Variants in DDX6 observed in about 807,000 individuals in gnomAD.
The protein encoded by DDX6 is probable ATP-dependent RNA helicase DDX6.
DDX6 carries 7 observed loss-of-function variants against 60.6 expected under a neutral mutation model. The observed-to-expected ratio is 0.12, with a 90% CI of 0.07 to 0.22. The LOEUF (loss-of-function observed/expected upper bound fraction) is 0.22. Among genes scored for constraint, DDX6 ranks in the 10% least tolerant of loss-of-function variants. DDX6 has a pLI of 1.00. For missense variants in DDX6, 270 were observed against 589.9 expected, an observed-to-expected ratio of 0.46 and a Z score of 5.62; for synonymous variants, 207 against 201.0, an observed-to-expected ratio of 1.03 and a Z score of -0.25.
intron 2 of DDX6, among the ~76,000 whole-genome samples, chr11:118,783,573 C>G (rs547073912): frequency 6.6e-6 from 1 of 151,202 alleles, no homozygotes; most frequent in East Asian, 2.0e-4. Context: ...GAGGCCGAGG[C>G]AGGCAGATCA....
At chr11:118,782,961 C>A (rs1354817813) in intron 2 of DDX6, among the ~76,000 whole-genome samples, 1 of 152,162 alleles carries the variant, frequency 6.6e-6, no homozygotes, top group South Asian at 2.1e-4. Context: ...CCTGTATCAT[C>A]GAAGTTTCTG....
Position 118,749,358 on chromosome 11 carries a change from G to GGA in DDX6, c.*2746_*2747insTC, listed in dbSNP as rs782091845. ...TTATTATGAGGGCCCAAAAAAGAAAGAAAAAAAAAAAAAAAAAAAAAAAGA... is the reference window on the plus strand; with the variant it reads ...TTATTATGAGGGCCCAAAAAAGAAAGGAAAAAAAAAAAAAAAAAAAAAAAAGA... On this transcript the variant is annotated 3_prime_UTR_variant, in exon 14 of 14. Transcript: ENST00000534980. 48 of 91,794 alleles carry GGA rather than the reference G, an allele frequency of 5.2e-4. No homozygotes were observed. Among genetic ancestry groups the GGA allele is most frequent in the East Asian group, 1.1e-3 (3 of 2,816 alleles). The allele number at this position is 91,794 out of a possible 1,614,324, so 5.7% of individuals were successfully genotyped here.
intron 8 of DDX6, among the ~76,000 whole-genome samples, chr11:118,759,713 A>G (rs538169355): frequency 6.6e-6 from 1 of 152,364 alleles, no homozygotes; most frequent in African/African-American, 2.4e-5. Context: ...GTGAAAGATG[A>G]GGAATTTAAT....
intron 4 of DDX6, among the ~76,000 whole-genome samples, chr11:118,778,352 A>G (rs1025389953): frequency 9.2e-5 from 14 of 152,340 alleles, no homozygotes; most frequent in Middle Eastern, 3.4e-3. Flanking sequence ...CAAGCTCAGC[A>G]CTACTGACAT....
At position 118,784,340 on chromosome 11, in the gene DDX6, T is replaced by C. The variant is rs114534103; in HGVS notation, c.200+1712A>G. On this transcript the variant is annotated intron_variant, in intron 2 of 13. Coordinates refer to ENST00000534980, the MANE Select transcript of DDX6 (RefSeq NM_004397.6). ...CTATATGACAGTCTGGTAGCTTGTA[T>C]AAGCTATTTTTCTGTAGGAAGTGAA... 4.3e-3 allele frequency among the ~76,000 whole-genome samples: 660 copies of C among 152,254 alleles called. 6 individuals are homozygous for C. The highest frequency in any genetic ancestry group is 0.015 in the African/African-American group (619 of 41,540).
intron 5 of DDX6, 123 bp downstream of exon 5, chr11:118,768,094 AAACCTG>A (rs1246222314): frequency 1.1e-6 from 1 of 948,172 alleles, no homozygotes; most frequent in Non-Finnish European, 1.5e-6. Context: ...AAAAAAGAAA[AAACCTG>A]AAAAGAAAGA....
intron 5 of DDX6, among the ~76,000 whole-genome samples, chr11:118,766,630 T>G (rs577075988): frequency 1.3e-5 from 2 of 152,304 alleles, no homozygotes; most frequent in South Asian, 4.2e-4. Context: ...TCTTGCTCTG[T>G]TGTCCAGGCT....
At chr11:118,788,195 T>A (rs1265554339) in intron 1 of DDX6, 1 of 151,776 alleles carries the variant, frequency 6.6e-6, no homozygotes, top group Non-Finnish European at 1.5e-5. Context: ...CTCAGCTACT[T>A]AGGAGGCTGA....
At chr11:118,756,762 G>A (rs1186833823) in intron 10 of DDX6, among the ~76,000 whole-genome samples, 1 of 152,178 alleles carries the variant, frequency 6.6e-6, no homozygotes, top group African/African-American at 2.4e-5. Context: ...GTAGCAACAG[G>A]TGCCTAACTG....
chr11:118,780,465 C>T (rs536149369), intron 3 of DDX6, among the ~76,000 whole-genome samples: 16 of 152,196 alleles, frequency 1.1e-4, no homozygotes, highest in South Asian at 8.3e-4. Flanking sequence ...TACAGGCGCA[C>T]GCCACCACAC....
At position 118,786,403 on chromosome 11, in the gene DDX6, CTG is replaced by C; in HGVS notation, c.-154_-153del. 1.8e-6 allele frequency: 1 copy of C among 552,060 alleles called. No individual in the cohort carries two copies. The highest frequency in any genetic ancestry group is 3.0e-6 in the Non-Finnish European group (1 of 329,144). 34.2% of individuals were successfully genotyped at this position (552,060 alleles called of 1,614,324 possible). A position where few individuals can be genotyped will look rare whatever the true frequency, so the allele number is the denominator to read the frequency against. On this transcript the variant is annotated 5_prime_UTR_variant, in exon 2 of 14. Transcript: ENST00000534980. ...CCTTTATTGCAATGCAGGCAAGCAC[CTG>C]TAAGTCTCTGAACGGTAAGCAGCAG...
intron 6 of DDX6, among the ~76,000 whole-genome samples, chr11:118,763,704 G>C (rs181980336): frequency 3.3e-5 from 5 of 151,800 alleles, no homozygotes; most frequent in South Asian, 2.1e-4. Context: ...TGTGGTGGTG[G>C]GAGCCTGTAA....
Position 118,751,902 on chromosome 11 carries a change from C to T in DDX6, c.*203G>A. 2.3e-6 allele frequency: 1 copy of T among 439,944 alleles called. No individual in the cohort carries two copies. The highest frequency in any genetic ancestry group is 1.7e-5 in the South Asian group (1 of 60,356). The allele number at this position is 439,944 out of a possible 1,614,324, so 27.3% of individuals were successfully genotyped here. On this transcript the variant is annotated 3_prime_UTR_variant, in exon 14 of 14. Coordinates refer to ENST00000534980, the MANE Select transcript of DDX6 (RefSeq NM_004397.6). ...ACTAATGTTCAGTCAGCACACAGTG[C>T]AAACAAGTGGAACAAAAAAGGTATA...
chr11:118,781,493 A>C (rs568525651), intron 2 of DDX6, among the ~76,000 whole-genome samples: 1 of 152,328 alleles, frequency 6.6e-6, no homozygotes, highest in South Asian at 2.1e-4. Flanking sequence ...AATGAGTTTA[A>C]ATTAGTTCTC....
rs960560299 is a variant in DDX6, at chr11:118,748,401, G to C, written c.*3704C>G. 5 of 152,116 alleles carry C rather than the reference G, an allele frequency of 3.3e-5. No homozygotes were observed. The highest frequency in any genetic ancestry group is 1.2e-4 in the African/African-American group (5 of 41,424). The allele number at this position is 152,116 out of a possible 1,614,324, so 9.4% of individuals were successfully genotyped here. On this transcript the variant is annotated 3_prime_UTR_variant, in exon 14 of 14. Coordinates refer to ENST00000534980, the MANE Select transcript of DDX6 (RefSeq NM_004397.6). ...TTTTAAAAAACTATCTTTAGATTTA[G>C]AGATACAAAGTACAACTACAATCTC...
At chr11:118,760,329 C>T (rs1373417406) in intron 7 of DDX6, among the ~76,000 whole-genome samples, 7 of 152,138 alleles carry the variant, frequency 4.6e-5, no homozygotes, top group African/African-American at 1.7e-4. Flanking sequence ...TTAGAGACAG[C>T]ATTTCACTCT....
At chr11:118,757,046 T>TGAAA in intron 10 of DDX6, 125 bp downstream of exon 10, 2 of 486,152 alleles carry the variant, frequency 4.1e-6, no homozygotes, top group Non-Finnish European at 7.1e-6. Context: ...GAGGTCAAAA[T>TGAAA]GAAAGGTCCT....
chr11:118,781,330 T>G, intron 2 of DDX6, 146 bp from the exon 3 acceptor site: 1 of 581,448 alleles, frequency 1.7e-6, no homozygotes, highest in Non-Finnish European at 3.0e-6. Context: ...TTAAACAACT[T>G]TAGAAAAAGT....
At chr11:118,756,419 T>A in intron 10 of DDX6, 96 bp from the exon 11 acceptor site, 1 of 955,526 alleles carries the variant, frequency 1.0e-6, no homozygotes, top group South Asian at 1.5e-5. Flanking sequence ...CTACCCAAAA[T>A]CTGTTTATAA....
Sources: gnomAD v4.1 joint callset for allele counts (sites outside exome capture counted in the v4.1 genomes callset) on GRCh38, gnomAD v4.1.1 for gene constraint, MANE v1.5 for transcripts, NCBI Gene and HGNC (gene_info 2026-07-23, HGNC 2026-07-21) for gene names.